CLDN14: variants seen among roughly 807,000 people sequenced by gnomAD.
The protein encoded by CLDN14 is claudin 14, also known as claudin-14.
A neutral mutation model predicts 2.1 loss-of-function variants in CLDN14; 2 were observed. That is an observed-to-expected ratio of 0.96 (90% CI 0.39 to 3.01). The LOEUF (loss-of-function observed/expected upper bound fraction) is 3.01, where lower values mean the gene tolerates loss of function less well. CLDN14 is among the 30% of genes most tolerant of loss of function. CLDN14 has a pLI of 0.09. For missense variants in CLDN14, 298 were observed against 328.0 expected (o/e 0.91, Z 0.71); for synonymous variants, 136 against 154.4 (o/e 0.88, Z 0.88).
chr21:36,460,865 G>T lies in CLDN14; in HGVS notation c.*111C>A. ...TCCTCGCATTCACATTATTTCCTTG[G>T]ATACAAAAATTGCCCAGAAGTAAAC... On this transcript the variant is annotated 3_prime_UTR_variant, in exon 2 of 2. Transcript: ENST00000399135. This position sits in a 1 kb window ranked among gnomAD's most constrained non-coding sequence, Gnocchi z 4.0. 1 of 1,266,612 alleles carries T rather than the reference G, an allele frequency of 7.9e-7. No homozygotes were observed. The highest frequency in any genetic ancestry group is 1.1e-6 in the Non-Finnish European group (1 of 898,654). 78.5% of individuals were successfully genotyped at this position (1,266,612 alleles called of 1,614,324 possible).
intron 1 of CLDN14, among the ~76,000 whole-genome samples, chr21:36,548,788 G>C (rs2087542599): frequency 6.6e-6 from 1 of 152,282 alleles, no homozygotes; most frequent in Non-Finnish European, 1.5e-5. Flanking sequence ...AGCTCCTCCA[G>C]GGTGATCTGG....
intron 1 of CLDN14, among the ~76,000 whole-genome samples, chr21:36,475,740 TTTTTATTTTA>T (rs933570983): frequency 6.6e-6 from 1 of 152,046 alleles, no homozygotes; most frequent in Non-Finnish European, 1.5e-5. Flanking sequence ...GATTTAACTT[TTTTTATTTTA>T]TTTTATTTTA....
At chr21:36,541,232 A>G (rs763859240) in intron 1 of CLDN14, among the ~76,000 whole-genome samples, 1 of 152,196 alleles carries the variant, frequency 6.6e-6, no homozygotes, top group Non-Finnish European at 1.5e-5. Context: ...CAGTTTATCA[A>G]TCGGGTACTT....
chr21:36,540,633 G>A (rs377566881), intron 1 of CLDN14, among the ~76,000 whole-genome samples: 61 of 151,860 alleles, frequency 4.0e-4, no homozygotes, highest in African/African-American at 1.5e-3. Flanking sequence ...GTGGCTGTAG[G>A]TCAAGTGCTG....
intron 1 of CLDN14, among the ~76,000 whole-genome samples, chr21:36,527,306 G>T (rs575781848): frequency 6.6e-6 from 1 of 152,120 alleles, no homozygotes; most frequent in Non-Finnish European, 1.5e-5. Flanking sequence ...TTTTGTTGCC[G>T]GGAGTGACTG....
rs113135327 is a variant in CLDN14, at chr21:36,526,116, G to T, written c.-219-15616C>A. Among the ~76,000 whole-genome samples the T allele has an allele frequency of 6.6e-5, 10 of 152,272 alleles. 1 individual carries two copies. Among genetic ancestry groups the T allele is most frequent in the African/African-American group, 1.7e-4 (7 of 41,564 alleles). On this transcript the variant is annotated intron_variant, in intron 1 of 2. Coordinates refer to the CLDN14 transcript ENST00000342108. ...CAGATTGGAATCCACAAGGAGTCTA[G>T]CTGAAGATCATTTAGTCCAGAGGGT...
chr21:36,561,085 A>G (rs1045691670), intron 1 of CLDN14, among the ~76,000 whole-genome samples: 1 of 152,124 alleles, frequency 6.6e-6, no homozygotes, highest in Non-Finnish European at 1.5e-5. Flanking sequence ...CCTACCCTCA[A>G]TTTTTGTACC....
rs537529014 is a variant in CLDN14, at chr21:36,461,770, C to A, written c.-75G>T. 2.3e-4 allele frequency: 344 copies of A among 1,528,606 alleles called. No individual in the cohort carries two copies. The highest frequency in any genetic ancestry group is 4.7e-5 in the Non-Finnish European group (54 of 1,138,948). 94.7% of individuals were successfully genotyped at this position (1,528,606 alleles called of 1,614,324 possible). On this transcript the variant is annotated 5_prime_UTR_variant, in exon 2 of 2. Transcript: ENST00000399135. ...GTCACGCCGCTCCTCAGGTGCCAGC[C>A]GGAGCCCTAATGAAGCCAAGGGAGG...
chr21:36,487,222 G>A (rs138314596), intron 2 of CLDN14: 2,252 of 185,408 alleles, frequency 0.012, 23 homozygotes, highest in Non-Finnish European at 0.018. Context: ...TGACCTCATG[G>A]TCTGCCTGCC....
chr21:36,485,675 T>C (rs1049105974), intron 2 of CLDN14, among the ~76,000 whole-genome samples: 3 of 152,190 alleles, frequency 2.0e-5, no homozygotes, highest in Non-Finnish European at 2.9e-5. Flanking sequence ...TGCTCTGTCC[T>C]GTTTTCTGTC....
chr21:36,538,537 C>A (rs950502835), intron 1 of CLDN14, among the ~76,000 whole-genome samples: 5 of 152,122 alleles, frequency 3.3e-5, no homozygotes, highest in African/African-American at 4.8e-5. Flanking sequence ...TCGCTTGAAC[C>A]CGGAAGATGG....
At chr21:36,558,262 T>C (rs1423058090) in intron 1 of CLDN14, among the ~76,000 whole-genome samples, 1 of 152,216 alleles carries the variant, frequency 6.6e-6, no homozygotes, top group African/African-American at 2.4e-5. Context: ...GTTTTGGTAA[T>C]TTGGGGTCCT....
In CLDN14 at chr21:36,539,391, GTGTGTGTGGAGTGTGTGTGGAGTGAC is replaced by G. The variant is rs2087460952; in HGVS notation, c.-219-28917_-219-28892del. Among the ~76,000 whole-genome samples the G allele has an allele frequency of 2.7e-5, 4 of 150,228 alleles. No individual in the cohort carries two copies. In the South Asian group the frequency reaches 8.5e-4, roughly 32 times the overall value. ...TGCGGAGTGAGTGTGTGTGGAGTGA[GTGTGTGTGGAGTGTGTGTGGAGTGAC>G]TGTGGAGTGTGTGTGTGGAATGAGT... On this transcript the variant is annotated intron_variant, in intron 1 of 2. Coordinates refer to the CLDN14 transcript ENST00000342108.
At chr21:36,482,368 T>G (rs1483590553), upstream of CLDN14, among the ~76,000 whole-genome samples, 5 of 124,428 alleles carry the variant, frequency 4.0e-5, no homozygotes, top group South Asian at 2.5e-4. Flanking sequence ...ATGGATAGAC[T>G]GACGGATGGA....
intron 2 of CLDN14, among the ~76,000 whole-genome samples, chr21:36,500,727 C>T (rs906027805): frequency 1.3e-5 from 2 of 152,172 alleles, no homozygotes; most frequent in African/African-American, 2.4e-5. Context: ...TCACCGTGCC[C>T]GGCTGATACA....
chr21:36,468,439 TG>T (rs1367740219), intron 1 of CLDN14, among the ~76,000 whole-genome samples: 1 of 152,020 alleles, frequency 6.6e-6, no homozygotes, highest in Non-Finnish European at 1.5e-5. Context: ...TAGCCGGGTG[TG>T]GTGATGCATG....
rs2087042536 is a variant in CLDN14, at chr21:36,497,356, AG to A, written c.-82+13006del. On this transcript the variant is annotated intron_variant, in intron 2 of 2. Transcript: ENST00000342108. ...GAGGGAGGAAGGGAGGGAGGGAGGG[AG>A]GGAGCGAGGGAGGGAGGGAGGGAGG... Among the ~76,000 whole-genome samples the A allele has an allele frequency of 3.5e-4, 2 of 5,660 alleles. 1 individual carries two copies. Among genetic ancestry groups the A allele is most frequent in the Non-Finnish European group, 9.6e-4 (2 of 2,080 alleles). The allele number at this position is 5,660 out of a possible 152,430, so 3.7% of individuals were successfully genotyped here.
chr21:36,494,987 T>C (rs2087002923), intron 2 of CLDN14, among the ~76,000 whole-genome samples: 1 of 152,144 alleles, frequency 6.6e-6, no homozygotes, highest in Admixed American at 6.5e-5. Context: ...AGATGCCTGC[T>C]GTTACCTGAG....
chr21:36,486,559 A>T, intron 2 of CLDN14: 1 of 1,557,808 alleles, frequency 6.4e-7, no homozygotes. Context: ...TGATGAGAGC[A>T]TCAGCCAAGC....
Sources: gnomAD v4.1 joint callset for allele counts (sites outside exome capture counted in the v4.1 genomes callset) on GRCh38, gnomAD v4.1.1 for gene constraint, Gnocchi (gnomAD v3.1) non-coding constraint, MANE v1.5 for transcripts, NCBI Gene and HGNC (gene_info 2026-07-23, HGNC 2026-07-21) for gene names.